GASK1A: variants seen among roughly 807,000 people sequenced by gnomAD.
GASK1A encodes Golgi-associated kinase 1A.
A neutral mutation model predicts 41.2 loss-of-function variants in GASK1A; 40 were observed. The observed-to-expected ratio is 0.97, with a 90% confidence interval of 0.75 to 1.27. GASK1A has a LOEUF of 1.27. GASK1A is among the 50% of genes most tolerant of loss of function. The pLI, the probability that GASK1A is intolerant of heterozygous loss-of-function variation, is 0.00. For synonymous variants in GASK1A, 316 were observed against 307.1 expected (o/e 1.03, Z -0.30); for missense variants, 678 against 745.1 (o/e 0.91, Z 1.05).
chr3:43,003,517 G>A (rs902405419), intron 1 of GASK1A, among the ~76,000 whole-genome samples: 2 of 147,234 alleles, frequency 1.4e-5, no homozygotes, highest in Admixed American at 1.4e-4. Flanking sequence ...AAAAAGAATA[G>A]ATGATAGACA....
intron 1 of GASK1A, among the ~76,000 whole-genome samples, chr3:43,007,516 A>G (rs66603383): frequency 0.17 from 26,435 of 152,056 alleles, 2,661 homozygotes; most frequent in Non-Finnish European, 0.23. Flanking sequence ...TTATCCTATC[A>G]GCACCAGTCC....
At chr3:43,025,611 C>T (rs1450508609) in intron 1 of GASK1A, among the ~76,000 whole-genome samples, 1 of 152,170 alleles carries the variant, frequency 6.6e-6, no homozygotes, top group African/African-American at 2.4e-5. Flanking sequence ...AGCCTGGAGG[C>T]TGCACTCGAT....
chr3:43,022,398 T>G (rs1302531199), intron 1 of GASK1A, among the ~76,000 whole-genome samples: 1 of 152,116 alleles, frequency 6.6e-6, no homozygotes, highest in Non-Finnish European at 1.5e-5. Context: ...TCTGTCTTCT[T>G]GAAACATTTG....
At chr3:43,028,645 G>A (rs2089558674) in intron 1 of GASK1A, among the ~76,000 whole-genome samples, 1 of 152,190 alleles carries the variant, frequency 6.6e-6, no homozygotes, top group African/African-American at 2.4e-5. Context: ...AATCCCCAGA[G>A]CAAGTTTAAG....
At chr3:43,050,906 G>T (rs549999985) in intron 2 of GASK1A, among the ~76,000 whole-genome samples, 1 of 152,002 alleles carries the variant, frequency 6.6e-6, no homozygotes, top group African/African-American at 2.4e-5. Flanking sequence ...TTTATGGTGA[G>T]GTATCGTTCT....
chr3:43,045,811 G>A (rs749549277), intron 2 of GASK1A, among the ~76,000 whole-genome samples: 36 of 152,274 alleles, frequency 2.4e-4, no homozygotes, highest in South Asian at 4.1e-4. Flanking sequence ...TGCTATTCTC[G>A]TGATAGTGAG....
At chr3:43,037,381 C>A in intron 2 of GASK1A, 1 of 963,256 alleles carries the variant, frequency 1.0e-6, no homozygotes, top group Non-Finnish European at 1.7e-6. Context: ...CATTGAAATG[C>A]ACTAAGTACA....
At chr3:43,009,261 GA>G (rs1384095565) in intron 1 of GASK1A, among the ~76,000 whole-genome samples, 3 of 152,286 alleles carry the variant, frequency 2.0e-5, no homozygotes, top group Non-Finnish European at 4.4e-5. Flanking sequence ...AGTATTTGTT[GA>G]AAGATAACAC....
chr3:43,055,615 G>C, intron 4 of GASK1A, 80 bp downstream of exon 4: 8 of 1,010,112 alleles, frequency 7.9e-6, no homozygotes, highest in Non-Finnish European at 1.1e-5. Context: ...ACCTTCAACT[G>C]TGGCCCTGAG....
chr3:42,984,612 T>C lies in GASK1A; in HGVS notation c.3+4967T>C, dbSNP rs953840830. Reference sequence around the variant, plus strand: ...GGAAACAGCAGGAGTATAACTGAAATGCAGATTCAGTCACTCACCACTTGT... The same window carrying C: ...GGAAACAGCAGGAGTATAACTGAAACGCAGATTCAGTCACTCACCACTTGT... On this transcript the variant is annotated intron_variant, in intron 1 of 4. Transcript: ENST00000430121. This position sits in a 1 kb window ranked among gnomAD's most constrained non-coding sequence, Gnocchi z 4.2. Among the ~76,000 whole-genome samples, 1 of 152,126 alleles carries C rather than the reference T, an allele frequency of 6.6e-6. No homozygotes were observed. The highest frequency in any genetic ancestry group is 1.5e-5 in the Non-Finnish European group (1 of 68,028).
At chr3:43,040,272 C>G (rs1047012825) in intron 2 of GASK1A, among the ~76,000 whole-genome samples, 2 of 63,774 alleles carry the variant, frequency 3.1e-5, no homozygotes, top group African/African-American at 7.4e-5. Context: ...GAAAGGCTAC[C>G]TTTAATAGAG....
chr3:43,025,013 A>T (rs1189814462), intron 1 of GASK1A, among the ~76,000 whole-genome samples: 1 of 152,164 alleles, frequency 6.6e-6, no homozygotes, highest in East Asian at 1.9e-4. Context: ...AGGCAGAAGG[A>T]TCAACACATA....
intron 1 of GASK1A, among the ~76,000 whole-genome samples, chr3:43,029,905 T>C (rs1366132328): frequency 1.3e-5 from 2 of 152,110 alleles, no homozygotes; most frequent in African/African-American, 2.4e-5. Context: ...CACAGACAAA[T>C]TAGGAAATTC....
At chr3:43,047,776 GGCAGAAA>G (rs2089670954) in intron 2 of GASK1A, among the ~76,000 whole-genome samples, 1 of 152,122 alleles carries the variant, frequency 6.6e-6, no homozygotes, top group East Asian at 1.9e-4. Context: ...TAACGTGGAG[GGCAGAAA>G]GCAACCCAAG....
intron 1 of GASK1A, among the ~76,000 whole-genome samples, chr3:43,022,380 C>G (rs1315964232): frequency 1.3e-5 from 2 of 151,820 alleles, no homozygotes; most frequent in African/African-American, 4.8e-5. Flanking sequence ...AAAGAAGGAT[C>G]AAAACAGTCT....
intron 1 of GASK1A, among the ~76,000 whole-genome samples, chr3:43,010,986 C>G (rs544810686): frequency 1.3e-5 from 2 of 152,282 alleles, no homozygotes; most frequent in East Asian, 3.9e-4. Flanking sequence ...CCAACTCCCC[C>G]CTCTCCACCC....
At chr3:43,055,304 G>A in intron 3 of GASK1A, 128 bp from the exon 4 acceptor site, 3 of 649,562 alleles carry the variant, frequency 4.6e-6, no homozygotes, top group Non-Finnish European at 8.2e-6. Flanking sequence ...GGTGAGGACT[G>A]TTTGTTAGGA....
intron 1 of GASK1A, among the ~76,000 whole-genome samples, chr3:42,986,302 G>T (rs762534247): frequency 2.0e-5 from 3 of 152,158 alleles, no homozygotes; most frequent in East Asian, 3.9e-4. Context: ...CAGATCAGCG[G>T]TTGCAGGGGT....
rs117639917 is a variant in GASK1A, at chr3:43,056,387, G to A, written c.*1G>A. On this transcript the variant is annotated 3_prime_UTR_variant, in exon 5 of 5. Coordinates refer to ENST00000430121, the MANE Select transcript of GASK1A (RefSeq NM_001129908.3). ...ACTCTTCAGGGACGAGGACCCATAA[G>A]CCGCACACAGCCCTGAGTCAATGAG... 151 of 1,536,438 alleles carry A rather than the reference G, an allele frequency of 9.8e-5. No individual in the cohort carries two copies. The East Asian group carries it at 1.8e-3, about 18-fold the overall frequency.
Sources: gnomAD v4.1 joint callset for allele counts (sites outside exome capture counted in the v4.1 genomes callset) on GRCh38, gnomAD v4.1.1 for gene constraint, Gnocchi (gnomAD v3.1) non-coding constraint, MANE v1.5 for transcripts, NCBI Gene and HGNC (gene_info 2026-07-23, HGNC 2026-07-21) for gene names.